The following CDH8 variants were observed in gnomAD, a reference collection of about 807,000 sequenced individuals.
CDH8 encodes the protein cadherin-8.
Under a neutral mutation model 68.1 loss-of-function variants are expected in CDH8, and 17 were observed. The ratio of observed to expected loss-of-function variants is 0.25; its 90% CI spans 0.17 to 0.37. The LOEUF (loss-of-function observed/expected upper bound fraction) is 0.37. Among genes scored for constraint, CDH8 ranks in the 10% least tolerant of loss-of-function variants. CDH8 has a pLI of 1.00. For synonymous variants in CDH8, 372 were observed against 365.1 expected (o/e 1.02, Z -0.21); for missense variants, 763 against 999.3 (o/e 0.76, Z 3.19).
rs553056728 is a variant in CDH8, at chr16:61,691,761, T to C, written c.1654+22080A>G. 3 of 152,118 alleles carry C rather than the reference T, an allele frequency of 2.0e-5. No individual in the cohort carries two copies. The East Asian group carries it at 5.8e-4, about 29-fold the overall frequency. 9.4% of individuals were successfully genotyped at this position (152,118 alleles called of 1,614,324 possible). A position where few individuals can be genotyped will look rare whatever the true frequency, so the allele number is the denominator to read the frequency against. On this transcript the variant is annotated intron_variant, in intron 10 of 11. Transcript: ENST00000577390. ...AAAAAAGTATACAAGGCAGCTTTTG[T>C]AGTACTTGGCTCAAACACTGAAAAT...
rs1202430891 is a variant in CDH8, at chr16:61,919,900, C to T, written c.253-18427G>A. 2.0e-5 allele frequency among the ~76,000 whole-genome samples: 3 copies of T among 152,304 alleles called. No individual in the cohort carries two copies. The East Asian group carries it at 5.8e-4, about 29-fold the overall frequency. The stretch of plus-strand genomic sequence containing the variant: ...AAACAGCATGGTACTGGTACCAAAA[C>T]AGAGATATAGATCAATGAAACAGAA... On this transcript the variant is annotated intron_variant, in intron 2 of 11. Coordinates refer to ENST00000577390, the MANE Select transcript of CDH8 (RefSeq NM_001796.5).
intron 7 of CDH8, among the ~76,000 whole-genome samples, chr16:61,814,858 G>C (rs1162197343): frequency 4.6e-5 from 7 of 152,196 alleles, no homozygotes; most frequent in Non-Finnish European, 1.5e-5. Context: ...GAGGGAAGCT[G>C]CTCTCCATGA....
At chr16:61,947,266 G>T (rs1307257491) in intron 2 of CDH8, among the ~76,000 whole-genome samples, 1 of 152,034 alleles carries the variant, frequency 6.6e-6, no homozygotes. Flanking sequence ...TTTCTGCAAG[G>T]CAATAAAATA....
At chr16:61,890,204 A>C (rs1216593818) in intron 3 of CDH8, among the ~76,000 whole-genome samples, 1 of 152,210 alleles carries the variant, frequency 6.6e-6, no homozygotes, top group Admixed American at 6.5e-5. Flanking sequence ...AAAGAACATA[A>C]AGAGACAATG....
chr16:61,937,991 A>T (rs1463739089), intron 2 of CDH8: 1 of 152,196 alleles, frequency 6.6e-6, no homozygotes, highest in Non-Finnish European at 1.5e-5. Context: ...GTAAGTACTA[A>T]ATATTATTAA....
chr16:61,776,461 T>G (rs1960901687), intron 8 of CDH8, among the ~76,000 whole-genome samples: 1 of 152,106 alleles, frequency 6.6e-6, no homozygotes, highest in South Asian at 2.1e-4. Context: ...TGGTTTTGGA[T>G]GAAGAAGGAG....
intron 8 of CDH8, among the ~76,000 whole-genome samples, chr16:61,782,407 A>G (rs1289740670): frequency 2.0e-5 from 3 of 151,978 alleles, no homozygotes; most frequent in Non-Finnish European, 4.4e-5. Flanking sequence ...GCACCACGAG[A>G]CTATATCCCA....
chr16:61,796,666 C>T (rs1961508598), intron 7 of CDH8, among the ~76,000 whole-genome samples: 1 of 152,086 alleles, frequency 6.6e-6, no homozygotes, highest in African/African-American at 2.4e-5. Context: ...TCTAATACCA[C>T]CATTCCTCTA....
chr16:61,916,022 C>A (rs1170495192), intron 2 of CDH8, among the ~76,000 whole-genome samples: 1 of 152,126 alleles, frequency 6.6e-6, no homozygotes, highest in Non-Finnish European at 1.5e-5. Context: ...ACAGATAAAA[C>A]CTTTCTTTGC....
chr16:61,655,209 C>T (rs1180122375), intron 11 of CDH8, among the ~76,000 whole-genome samples: 1 of 152,106 alleles, frequency 6.6e-6, no homozygotes. Flanking sequence ...TTCTCCACTG[C>T]CACCACCATT....
At chr16:61,936,930 C>T (rs1057421363) in intron 2 of CDH8, among the ~76,000 whole-genome samples, 2 of 152,072 alleles carry the variant, frequency 1.3e-5, no homozygotes, top group African/African-American at 4.8e-5. Flanking sequence ...CATTTAGATG[C>T]AAATAAAATC....
At chr16:61,744,374 T>A (rs1040820786) in intron 8 of CDH8, among the ~76,000 whole-genome samples, 4 of 151,944 alleles carry the variant, frequency 2.6e-5, no homozygotes, top group African/African-American at 9.7e-5. Context: ...GGGAAACATT[T>A]CTTTCTCCTT....
intron 7 of CDH8, among the ~76,000 whole-genome samples, chr16:61,801,850 G>C (rs1186547128): frequency 2.0e-5 from 3 of 152,152 alleles, no homozygotes; most frequent in African/African-American, 7.2e-5. Context: ...TAGCACAGCA[G>C]TCTGAGATCA....
intron 2 of CDH8, among the ~76,000 whole-genome samples, chr16:61,947,603 A>G (rs1597083041): frequency 6.6e-6 from 1 of 152,136 alleles, no homozygotes; most frequent in East Asian, 1.9e-4. Context: ...AAAGTAAAAA[A>G]CATTTTTTCC....
intron 2 of CDH8, among the ~76,000 whole-genome samples, chr16:62,008,279 C>T (rs1901719736): frequency 6.6e-6 from 1 of 152,010 alleles, no homozygotes; most frequent in Non-Finnish European, 1.5e-5. Flanking sequence ...GTGACTTTTG[C>T]TTTGTATTTT....
At chr16:61,676,733 C>T (rs1299923377) in intron 10 of CDH8, among the ~76,000 whole-genome samples, 1 of 152,054 alleles carries the variant, frequency 6.6e-6, no homozygotes, top group Non-Finnish European at 1.5e-5. Context: ...ATTTAACATA[C>T]AGCTTAGAAA....
chr16:61,836,832 ATAT>A (rs1962579467), intron 4 of CDH8, among the ~76,000 whole-genome samples: 1 of 151,992 alleles, frequency 6.6e-6, no homozygotes, highest in Admixed American at 6.6e-5. Flanking sequence ...AAACATTGAG[ATAT>A]ACAAAAGTGA....
chr16:61,707,225 T>A (rs886212801), intron 10 of CDH8, among the ~76,000 whole-genome samples: 3 of 152,184 alleles, frequency 2.0e-5, no homozygotes, highest in African/African-American at 7.2e-5. Flanking sequence ...TAAATTTTAA[T>A]AGAGAGGAAG....
intron 10 of CDH8, chr16:61,693,667 T>C (rs1165972149): frequency 6.6e-6 from 1 of 152,130 alleles, no homozygotes; most frequent in Non-Finnish European, 1.5e-5. Flanking sequence ...ACACCTTTAT[T>C]TCATGCCAGT....
Sources: allele counts gnomAD v4.1 joint callset (sites outside exome capture counted in the v4.1 genomes callset), GRCh38; gene constraint gnomAD v4.1.1; transcripts MANE v1.5; gene names NCBI Gene and HGNC (gene_info 2026-07-23, HGNC 2026-07-21).